LEPR: variants seen among roughly 807,000 people sequenced by gnomAD.
The protein encoded by LEPR is OB receptor.
LEPR carries 56 observed loss-of-function variants against 114.7 expected under a neutral mutation model. That is an observed-to-expected ratio of 0.49 (90% CI 0.39 to 0.61). LEPR has a LOEUF of 0.61. Ranked by LOEUF, LEPR falls within the 20% of genes least tolerant of loss-of-function variation. The probability of loss-of-function intolerance (pLI) is 0.00; values close to 1 mark genes in which losing one functional copy is unlikely to be tolerated. For synonymous variants in LEPR, 443 were observed against 461.4 expected (o/e 0.96, Z 0.51); for missense variants, 1,202 against 1,352.9 (o/e 0.89, Z 1.75).
intron 2 of LEPR, among the ~76,000 whole-genome samples, chr1:65,558,549 G>GTTTTTTTTTT (rs1189982161): frequency 1.1e-4 from 1 of 9,116 alleles, no homozygotes; most frequent in African/African-American, 4.6e-4. Flanking sequence ...TTTTTTTTTT[G>GTTTTTTTTTT]TTTTTTTTTT....
intron 2 of LEPR, among the ~76,000 whole-genome samples, chr1:65,555,170 G>C (rs1049893091): frequency 2.0e-5 from 3 of 152,176 alleles, no homozygotes; most frequent in African/African-American, 7.2e-5. Flanking sequence ...CATCTTGCCA[G>C]CCACCCCCGC....
intron 6 of LEPR, 127 bp from the exon 7 acceptor site, chr1:65,596,321 G>A: frequency 8.5e-7 from 1 of 1,179,784 alleles, no homozygotes; most frequent in Non-Finnish European, 1.2e-6. Context: ...TTAGTCCTTG[G>A]ATAAAGTCAC....
At chr1:65,530,905 G>A (rs375911230) in intron 2 of LEPR, among the ~76,000 whole-genome samples, 3 of 152,188 alleles carry the variant, frequency 2.0e-5, no homozygotes, top group East Asian at 1.9e-4. Context: ...CAACTCTCAC[G>A]TGAGTTATTG....
chr1:65,453,747 T>A (rs1266716032), intron 2 of LEPR, among the ~76,000 whole-genome samples: 2 of 152,110 alleles, frequency 1.3e-5, no homozygotes, highest in African/African-American at 4.8e-5. Context: ...TGAAAAAAAA[T>A]GTATATTCTG....
chr1:65,577,069 C>T (rs1279925305), intron 5 of LEPR: 1 of 209,616 alleles, frequency 4.8e-6, no homozygotes, highest in Non-Finnish European at 9.9e-6. Flanking sequence ...TTGAATCCTC[C>T]ACGGACAACA....
chr1:65,595,038 C>T (rs1167908681), intron 6 of LEPR, among the ~76,000 whole-genome samples: 2 of 151,970 alleles, frequency 1.3e-5, no homozygotes, highest in African/African-American at 4.8e-5. Context: ...GATTGCAGTT[C>T]TAGACATGCA....
At chr1:65,549,168 C>G (rs563711273) in intron 2 of LEPR, among the ~76,000 whole-genome samples, 21 of 149,626 alleles carry the variant, frequency 1.4e-4, no homozygotes, top group Admixed American at 9.9e-4. Context: ...GAGTTTCTGC[C>G]GTGAGATCCG....
intron 12 of LEPR, among the ~76,000 whole-genome samples, chr1:65,609,586 G>T (rs1371581655): frequency 6.6e-6 from 1 of 152,206 alleles, no homozygotes; most frequent in Non-Finnish European, 1.5e-5. Flanking sequence ...GCTACAGTAG[G>T]TCCTATCTAA....
At chr1:65,550,134 C>T (rs556778719) in intron 2 of LEPR, among the ~76,000 whole-genome samples, 23 of 152,172 alleles carry the variant, frequency 1.5e-4, no homozygotes, top group Non-Finnish European at 3.1e-4. Flanking sequence ...CGCGGATTTT[C>T]GTGAACCGCG....
At chr1:65,444,993 CTT>C (rs1238712883) in intron 2 of LEPR, among the ~76,000 whole-genome samples, 1 of 152,138 alleles carries the variant, frequency 6.6e-6, no homozygotes, top group Non-Finnish European at 1.5e-5. Context: ...AGGGCAGCGA[CTT>C]TGTACTCTAC....
intron 10 of LEPR, among the ~76,000 whole-genome samples, chr1:65,604,481 A>T (rs1656674592): frequency 6.6e-6 from 1 of 152,094 alleles, no homozygotes; most frequent in African/African-American, 2.4e-5. Context: ...AGTAGCCAGG[A>T]CTACAGATGT....
intron 5 of LEPR, among the ~76,000 whole-genome samples, chr1:65,579,433 T>A (rs922640474): frequency 1.3e-5 from 2 of 152,180 alleles, no homozygotes; most frequent in Non-Finnish European, 2.9e-5. Flanking sequence ...GCCAATTCCA[T>A]GAAAAGAGCA....
chr1:65,572,297 T>A, intron 4 of LEPR, 29 bp from the exon 5 acceptor site: 2 of 1,399,980 alleles, frequency 1.4e-6, no homozygotes, highest in Non-Finnish European at 9.3e-7. Context: ...GTTGTTTTTT[T>A]TTTTTTTTTT....
chr1:65,604,213 A>G (rs1656652574), intron 10 of LEPR, among the ~76,000 whole-genome samples: 1 of 152,154 alleles, frequency 6.6e-6, no homozygotes, highest in Non-Finnish European at 1.5e-5. Flanking sequence ...TGAAATATTT[A>G]ATAAGAGTTA....
chr1:65,474,429 G>A (rs1647129897), intron 2 of LEPR, among the ~76,000 whole-genome samples: 1 of 152,112 alleles, frequency 6.6e-6, no homozygotes. Context: ...TTATAAAAAG[G>A]ACATGTGTTC....
chr1:65,440,993 T>A (rs1352576773), intron 2 of LEPR, among the ~76,000 whole-genome samples: 2 of 151,556 alleles, frequency 1.3e-5, no homozygotes, highest in African/African-American at 2.4e-5. Flanking sequence ...GCAACGAGAG[T>A]GAATCACAGA....
intron 6 of LEPR, 35 bp from the exon 7 acceptor site, chr1:65,596,413 C>T (rs1656066232): frequency 1.2e-6 from 2 of 1,609,856 alleles, no homozygotes; most frequent in Admixed American, 3.3e-5. Flanking sequence ...ATGAAAATTA[C>T]TTGACTTAAA....
At chr1:65,518,249 A>T (rs981003527) in intron 2 of LEPR, among the ~76,000 whole-genome samples, 15 of 152,184 alleles carry the variant, frequency 9.9e-5, no homozygotes, top group Admixed American at 9.8e-4. Flanking sequence ...ACTGGTTTAA[A>T]ATTCTCAAGA....
chr1:65,424,839 C>A (rs1301303060), intron 1 of LEPR, among the ~76,000 whole-genome samples: 1 of 152,130 alleles, frequency 6.6e-6, no homozygotes, highest in Non-Finnish European at 1.5e-5. Flanking sequence ...GTGGAGACCC[C>A]ACCCTCATGA....
Sources: allele counts gnomAD v4.1 joint callset (sites outside exome capture counted in the v4.1 genomes callset), GRCh38; gene constraint gnomAD v4.1.1; transcripts MANE v1.5; gene names NCBI Gene and HGNC (gene_info 2026-07-23, HGNC 2026-07-21).